PCDHGA7: variants seen among roughly 807,000 people sequenced by gnomAD.
PCDHGA7 encodes protocadherin gamma subfamily A, 7, also known as protocadherin gamma-A7.
A neutral mutation model predicts 58.3 loss-of-function variants in PCDHGA7; 44 were observed. The ratio of observed to expected loss-of-function variants is 0.75; its 90% confidence interval spans 0.59 to 0.97. The LOEUF (loss-of-function observed/expected upper bound fraction) is 0.97. Among genes scored for constraint, PCDHGA7 ranks in the 50% least tolerant of loss-of-function variants. The pLI is 0.00. For missense variants in PCDHGA7, 1,266 were observed against 1,188.7 expected (o/e 1.06, Z -0.96); for synonymous variants, 516 against 504.2 (o/e 1.02, Z -0.31).
At chr5:141,403,672 G>A in intron 1 of PCDHGA7, 1 of 1,613,846 alleles carries the variant, frequency 6.2e-7, no homozygotes, top group Non-Finnish European at 8.5e-7. Context: ...ATAATGCCCC[G>A]GTTTTTGCTC....
rs192747939 is a variant in PCDHGA7 at position 141,487,483 on chromosome 5, T to C, written c.2425-7324T>C. 12 of 1,614,224 alleles carry C rather than the reference T, an allele frequency of 7.4e-6. No individual in the cohort carries two copies. In the Admixed American group the frequency reaches 1.8e-4, roughly 25 times the overall value. On this transcript the variant is annotated intron_variant, in intron 1 of 3. Coordinates refer to ENST00000518325, the MANE Select transcript of PCDHGA7 (RefSeq NM_018920.4). This position sits in a 1 kb window ranked among gnomAD's most constrained non-coding sequence, Gnocchi z 5.0. ...TTGTTGATGTGGGAGGCCACTCTCA[T>C]GGCTGTACACCCTTGGCTTCTGCAC... is the stretch of plus-strand genomic sequence containing the variant.
rs2099883795 is a variant in PCDHGA7 at position 141,511,444 on chromosome 5, A to C, written c.*271A>C. 3.0e-6 allele frequency: 2 copies of C among 665,362 alleles called. No individual in the cohort carries two copies. The highest frequency in any genetic ancestry group is 3.6e-5 in the African/African-American group (2 of 54,978). 41.2% of individuals were successfully genotyped at this position (665,362 alleles called of 1,614,324 possible). On this transcript the variant is annotated 3_prime_UTR_variant, in exon 4 of 4. Coordinates refer to ENST00000518325, the MANE Select transcript of PCDHGA7 (RefSeq NM_018920.4). ...GGGTAGTGGGGTTACTGTAGACACC[A>C]AGAACCATTTGCCACACCCCGTTTA...
chr5:141,409,055 G>A lies in PCDHGA7; in HGVS notation c.2424+23732G>A, dbSNP rs141881204. The A allele has an allele frequency of 7.2e-5, 117 of 1,614,038 alleles. No individual in the cohort carries two copies. Among genetic ancestry groups the A allele is most frequent in the Admixed American group, 5.0e-4 (30 of 60,032 alleles). On this transcript the variant is annotated intron_variant, in intron 1 of 3. Coordinates refer to ENST00000518325, the MANE Select transcript of PCDHGA7 (RefSeq NM_018920.4). ...GATAAACTACTACTTCCGAAGCACT[G>A]CCCAGAGCACAAAACATATGTTCTC...
intron 1 of PCDHGA7, among the ~76,000 whole-genome samples, chr5:141,466,534 T>C (rs1343781541): frequency 6.6e-6 from 1 of 152,214 alleles, no homozygotes; most frequent in Non-Finnish European, 1.5e-5. Flanking sequence ...CAAATTGATG[T>C]AGATGGTCTT....
At position 141,489,258 on chromosome 5, in the gene PCDHGA7, C is replaced by T. The variant is rs1594800449; in HGVS notation, c.2425-5549C>T. 3.2e-6 allele frequency: 5 copies of T among 1,551,530 alleles called. No individual in the cohort carries two copies. Among genetic ancestry groups the T allele is most frequent in the African/African-American group, 1.4e-5 (1 of 73,276 alleles). On this transcript the variant is annotated intron_variant, in intron 1 of 3. Coordinates refer to ENST00000518325, the MANE Select transcript of PCDHGA7 (RefSeq NM_018920.4). This position sits in a 1 kb window ranked among gnomAD's most constrained non-coding sequence, Gnocchi z 4.5. Reference sequence around the variant, plus strand: ...TCTGGGTCATGGGGCCCAAGACACTCCCACAGCTCGCTGGGAAATGGCAAG... The same window carrying T: ...TCTGGGTCATGGGGCCCAAGACACTTCCACAGCTCGCTGGGAAATGGCAAG...
chr5:141,394,136 C>A, intron 1 of PCDHGA7: 3 of 1,613,956 alleles, frequency 1.9e-6, no homozygotes, highest in Non-Finnish European at 2.5e-6. Flanking sequence ...TCGCTCTGCA[C>A]GTGGCAGACA....
intron 1 of PCDHGA7, among the ~76,000 whole-genome samples, chr5:141,436,122 C>T (rs909678739): frequency 4.6e-5 from 7 of 152,128 alleles, no homozygotes; most frequent in African/African-American, 7.2e-5. Flanking sequence ...AACCTCTCTC[C>T]TCCATCATCT....
At chr5:141,394,584 G>A in intron 1 of PCDHGA7, 1 of 1,613,902 alleles carries the variant, frequency 6.2e-7, no homozygotes. Context: ...GGTGACCAAG[G>A]TGGTGGCGGT....
intron 1 of PCDHGA7, chr5:141,440,130 A>G (rs1222064545): frequency 6.6e-6 from 1 of 152,282 alleles, no homozygotes; most frequent in African/African-American, 2.4e-5. Context: ...TGAATGGATC[A>G]GGAGCAGATA....
chr5:141,423,693 G>A (rs114008539), intron 1 of PCDHGA7: 1 of 1,396,244 alleles, frequency 7.2e-7, no homozygotes, highest in Non-Finnish European at 9.4e-7. Flanking sequence ...CTAATTGTTG[G>A]TGTCTTGGCA....
In PCDHGA7 at chr5:141,477,013, T is replaced by A. The variant is rs1285961519; in HGVS notation, c.2425-17794T>A. On this transcript the variant is annotated intron_variant, in intron 1 of 3. Coordinates refer to ENST00000518325, the MANE Select transcript of PCDHGA7 (RefSeq NM_018920.4). This position sits in a 1 kb window ranked among gnomAD's most constrained non-coding sequence, Gnocchi z 4.9. ...TGCGGCAACTATTCGCCTTAGACCT[T>A]GTAACCGGGATGCTGACAATCAAGG... is the stretch of plus-strand genomic sequence containing the variant. 6.2e-7 allele frequency: 1 copy of A among 1,614,204 alleles called. No individual in the cohort carries two copies. The highest frequency in any genetic ancestry group is 2.2e-5 in the East Asian group (1 of 44,878).
At chr5:141,422,587 C>G in intron 1 of PCDHGA7, 2 of 1,614,032 alleles carry the variant, frequency 1.2e-6, no homozygotes, top group Non-Finnish European at 1.7e-6. Flanking sequence ...TCCCGTTTTT[C>G]CTCACTCCTC....
At chr5:141,484,912 T>G (rs1594427765) in intron 1 of PCDHGA7, 1 of 437,066 alleles carries the variant, frequency 2.3e-6, no homozygotes, top group East Asian at 4.0e-5. Flanking sequence ...TGCGACGCAT[T>G]AACCCTGCTG....
At position 141,410,013 on chromosome 5, in the gene PCDHGA7, T is replaced by A. The variant is rs770463619; in HGVS notation, c.2424+24690T>A. On this transcript the variant is annotated intron_variant, in intron 1 of 3. Coordinates refer to ENST00000518325, the MANE Select transcript of PCDHGA7 (RefSeq NM_018920.4). ...GCCGACTCGGGACACAACGCCTGGC[T>A]GTCCTACCACGTGCTGCAGGCCAGT... 1 of 1,613,296 alleles carries A rather than the reference T, an allele frequency of 6.2e-7. No individual in the cohort carries two copies. Among genetic ancestry groups the A allele is most frequent in the East Asian group, 2.2e-5 (1 of 44,870 alleles).
At position 141,487,398 on chromosome 5, in the gene PCDHGA7, G is replaced by A. The variant is rs1342197934; in HGVS notation, c.2425-7409G>A. 1.9e-6 allele frequency: 3 copies of A among 1,613,926 alleles called. No individual in the cohort carries two copies. The African/African-American group carries it at 4.0e-5, about 22-fold the overall frequency. ...CTCACCAGATCTCGAAGGAGGGAGGGGCTTCCCCCTTCCAATGGGATCCTC... is the reference window on the plus strand; with the variant it reads ...CTCACCAGATCTCGAAGGAGGGAGGAGCTTCCCCCTTCCAATGGGATCCTC... On this transcript the variant is annotated intron_variant, in intron 1 of 3. Transcript: ENST00000518325. The surrounding 1 kb of genome is among the most constrained non-coding windows in gnomAD (Gnocchi z 5.0).
intron 1 of PCDHGA7, chr5:141,390,668 A>C: frequency 5.2e-6 from 1 of 191,616 alleles, no homozygotes; most frequent in South Asian, 1.1e-4. Flanking sequence ...ATAAATATAA[A>C]AATAATAAAG....
At chr5:141,394,740 G>C in intron 1 of PCDHGA7, 2 of 1,613,404 alleles carry the variant, frequency 1.2e-6, no homozygotes, top group Non-Finnish European at 1.7e-6. Context: ...GCAGAGCCTC[G>C]TGGTGGCCGT....
At position 141,490,870 on chromosome 5, in the gene PCDHGA7, T is replaced by C; in HGVS notation, c.2425-3937T>C. Reference sequence around the variant, plus strand: ...GGTTCGAGACTCCGGCTCTCCCCCATTGCATGCCAACACATCTCTGCATGT... The same window carrying C: ...GGTTCGAGACTCCGGCTCTCCCCCACTGCATGCCAACACATCTCTGCATGT... On this transcript the variant is annotated intron_variant, in intron 1 of 3. Coordinates refer to ENST00000518325, the MANE Select transcript of PCDHGA7 (RefSeq NM_018920.4). The surrounding 1 kb of genome is among the most constrained non-coding windows in gnomAD (Gnocchi z 5.4). 6.2e-7 allele frequency: 1 copy of C among 1,613,888 alleles called. No homozygotes were observed. Among genetic ancestry groups the C allele is most frequent in the Non-Finnish European group, 8.5e-7 (1 of 1,179,932 alleles).
At chr5:141,452,909 TAC>T (rs1370071626) in intron 1 of PCDHGA7, among the ~76,000 whole-genome samples, 2 of 152,232 alleles carry the variant, frequency 1.3e-5, no homozygotes, top group African/African-American at 4.8e-5. Context: ...GTTGGCATTA[TAC>T]AGTAAGAAAG....
Sources: gnomAD v4.1 joint callset for allele counts (sites outside exome capture counted in the v4.1 genomes callset) on GRCh38, gnomAD v4.1.1 for gene constraint, Gnocchi (gnomAD v3.1) non-coding constraint, MANE v1.5 for transcripts, NCBI Gene and HGNC (gene_info 2026-07-23, HGNC 2026-07-21) for gene names.